RSPH4A: variants seen among roughly 807,000 people sequenced by gnomAD.
The protein encoded by RSPH4A is radial spoke head component 4A, also known as radial spoke head protein 4 homolog A.
Under a neutral mutation model 71.0 loss-of-function variants are expected in RSPH4A, and 47 were observed. The ratio of observed to expected loss-of-function variants is 0.66; its 90% CI spans 0.52 to 0.84. The LOEUF (loss-of-function observed/expected upper bound fraction) is 0.84, where lower values mean the gene tolerates loss of function less well. Among genes scored for constraint, RSPH4A ranks in the 40% least tolerant of loss-of-function variants. The pLI is 0.00. For synonymous variants in RSPH4A, 282 were observed against 302.3 expected, an observed-to-expected ratio of 0.93 and a Z score of 0.70; for missense variants, 793 against 855.2, an observed-to-expected ratio of 0.93 and a Z score of 0.91.
At chr6:116,624,351 T>G (rs1775659850) in intron 2 of RSPH4A, among the ~76,000 whole-genome samples, 1 of 152,174 alleles carries the variant, frequency 6.6e-6, no homozygotes, top group Non-Finnish European at 1.5e-5. Context: ...ATGAGGCAGA[T>G]AGGCAGGCAT....
chr6:116,620,498 G>A (rs1443763999), intron 1 of RSPH4A, among the ~76,000 whole-genome samples: 1 of 152,132 alleles, frequency 6.6e-6, no homozygotes, highest in Non-Finnish European at 1.5e-5. Context: ...TATGGAATCT[G>A]AAAATGGTTT....
chr6:116,629,569 T>G lies in RSPH4A; in HGVS notation c.1665T>G (p.Gly555=), dbSNP rs1360777461. Residue 555 remains glycine (G), a splice_region_variant and synonymous_variant, in exon 4 of 6, where the codon GGT becomes GGG. Coordinates refer to ENST00000229554, the MANE Select transcript of RSPH4A (RefSeq NM_001010892.3). The part of the protein sequence containing the change: ...VHHVQHILSQ[G]RCNWFNSIQK... The stretch of plus-strand genomic sequence containing the variant: ...AATCTTGCAACATTCATTCCCAGGG[T>G]CGCTGTAATTGGTTCAACTCCATAC... The G allele has an allele frequency of 1.9e-6, 3 of 1,612,826 alleles. No individual in the cohort carries two copies. Among genetic ancestry groups the G allele is most frequent in the South Asian group, 1.1e-5 (1 of 91,044 alleles).
intron 2 of RSPH4A, among the ~76,000 whole-genome samples, chr6:116,626,347 TTTTC>T (rs1248060966): frequency 2.0e-5 from 3 of 151,806 alleles, no homozygotes; most frequent in African/African-American, 4.8e-5. Flanking sequence ...GTGTTTCTTT[TTTTC>T]TTTTTCTTTT....
rs1361774402 is a variant in RSPH4A at position 116,628,340 on chromosome 6, G to T, written c.1633G>T (p.Val545Phe). Residue 545 changes from valine to phenylalanine, a missense_variant, in exon 3 of 6, where the codon GTT (valine) becomes TTT (phenylalanine). Coordinates refer to ENST00000229554, the MANE Select transcript of RSPH4A (RefSeq NM_001010892.3). ...TCTAGTAGAATCCCTATCCAATTGG[G>T]TTCATCATGTACAGCATATTCTCTC... is the stretch of plus-strand genomic sequence containing the variant. ...IDLVESLSNWVHHVQHILSQG... is the reference protein window; with the variant it reads ...IDLVESLSNWFHHVQHILSQG... The T allele has an allele frequency of 6.2e-7, 1 of 1,612,984 alleles. No individual in the cohort carries two copies. The highest frequency in any genetic ancestry group is 8.5e-7 in the Non-Finnish European group (1 of 1,179,744).
chr6:116,630,348 T>A (rs968353257), intron 4 of RSPH4A, 87 bp from the exon 5 acceptor site: 7 of 787,944 alleles, frequency 8.9e-6, no homozygotes, highest in Admixed American at 5.1e-5. Flanking sequence ...CATGCATGTG[T>A]GTGTGTGTGT....
At chr6:116,628,465 T>G in intron 3 of RSPH4A, 96 bp downstream of exon 3, 2 of 953,720 alleles carry the variant, frequency 2.1e-6, no homozygotes, top group Non-Finnish European at 3.3e-6. Flanking sequence ...TAAAGGCCTT[T>G]GGACTCTATT....
chr6:116,628,425 G>A, intron 3 of RSPH4A, 56 bp downstream of exon 3: 3 of 1,350,700 alleles, frequency 2.2e-6, no homozygotes, highest in South Asian at 2.3e-5. Flanking sequence ...TTCATTAAAT[G>A]GTCACTATAA....
At position 116,630,539 on chromosome 6, in the gene RSPH4A, T is replaced by C; in HGVS notation, c.1903T>C (p.Phe635Leu). 6.6e-7 allele frequency: 1 copy of C among 1,525,340 alleles called. No homozygotes were observed. The highest frequency in any genetic ancestry group is 9.1e-7 in the Non-Finnish European group (1 of 1,099,142). The allele number at this position is 1,525,340 out of a possible 1,614,324, so 94.5% of individuals were successfully genotyped here. A position where few individuals can be genotyped will look rare whatever the true frequency, so the allele number is the denominator to read the frequency against. The change falls in exon 5 of 6, where the codon TTC becomes CTC. Residue 635 changes from phenylalanine (F) to leucine (L), a missense_variant. Transcript: ENST00000229554. ...CAACCTTTGGCCTGGAGCATATGCCTTCTCCAATGGCAAGTAAGTATCTGA... is the reference window on the plus strand; with the variant it reads ...CAACCTTTGGCCTGGAGCATATGCCCTCTCCAATGGCAAGTAAGTATCTGA... ...QSNLWPGAYA[F>L]SNGKKFENFY...
intron 2 of RSPH4A, among the ~76,000 whole-genome samples, chr6:116,624,692 T>C (rs1462837824): frequency 2.0e-5 from 3 of 152,176 alleles, no homozygotes; most frequent in Non-Finnish European, 2.9e-5. Context: ...GACCAACCTG[T>C]CCCTGACTTA....
Position 116,630,847 on chromosome 6 carries a change from A to ATTTT in RSPH4A, c.1916+315_1916+318dup, listed in dbSNP as rs10694358. ...ACCACTATGCCCAGCTAATTTTTGT[A>ATTTT]TTTTTTTTTTTTTTTTTTTTTTTAG... is the stretch of plus-strand genomic sequence containing the variant. On this transcript the variant is annotated intron_variant, in intron 5 of 5. Transcript: ENST00000229554. Among the ~76,000 whole-genome samples the ATTTT allele has an allele frequency of 4.7e-3, 413 of 87,558 alleles. 15 individuals are homozygous for ATTTT. The highest frequency in any genetic ancestry group is 0.019 in the East Asian group (53 of 2,860). 57.4% of individuals were successfully genotyped at this position (87,558 alleles called of 152,430 possible).
chr6:116,624,746 C>T (rs1179441996), intron 2 of RSPH4A, among the ~76,000 whole-genome samples: 1 of 152,200 alleles, frequency 6.6e-6, no homozygotes, highest in African/African-American at 2.4e-5. Context: ...TTTGACCACA[C>T]CAGAATTCGT....
chr6:116,624,161 C>T (rs935148752), intron 2 of RSPH4A, among the ~76,000 whole-genome samples: 7 of 152,174 alleles, frequency 4.6e-5, no homozygotes, highest in Non-Finnish European at 7.4e-5. Context: ...TAGATGCTTT[C>T]TCCAGGCTAA....
chr6:116,618,291 A>G lies in RSPH4A; in HGVS notation c.686+982A>G, dbSNP rs137900318. Among the ~76,000 whole-genome samples, 498 of 152,298 alleles carry G rather than the reference A, an allele frequency of 3.3e-3. 13 individuals are homozygous for G. Among genetic ancestry groups the G allele is most frequent in the Admixed American group, 0.024 (369 of 15,294 alleles). On this transcript the variant is annotated intron_variant, in intron 1 of 5. Transcript: ENST00000229554. ...AAAGCTTATTCTTTTCCTTCATAGC[A>G]TTTAATGTCATTTATAATTTTTTAT...
At chr6:116,628,495 T>C in intron 3 of RSPH4A, 126 bp downstream of exon 3, 1 of 771,224 alleles carries the variant, frequency 1.3e-6, no homozygotes, top group Non-Finnish European at 2.1e-6. Flanking sequence ...GGAAAAGAGA[T>C]AATTAAAAAC....
rs1775825635 is a variant in RSPH4A at position 116,632,575 on chromosome 6, A to C, written c.*134A>C. The C allele has an allele frequency of 7.6e-4, 847 of 1,108,892 alleles. No homozygotes were observed. Among genetic ancestry groups the C allele is most frequent in the Non-Finnish European group, 9.6e-4 (760 of 792,646 alleles). 68.7% of individuals were successfully genotyped at this position (1,108,892 alleles called of 1,614,324 possible). ...AGAAATTATTCAACTGCAAAATCTC[A>C]ATCTTGAAAATCAAGCTTGAAATTT... On this transcript the variant is annotated 3_prime_UTR_variant, in exon 6 of 6. Transcript: ENST00000229554.
chr6:116,626,816 T>A (rs1161753399), intron 2 of RSPH4A, among the ~76,000 whole-genome samples: 1 of 152,224 alleles, frequency 6.6e-6, no homozygotes, highest in African/African-American at 2.4e-5. Flanking sequence ...CTTTATTACA[T>A]GTTCATTTTA....
chr6:116,629,896 G>A (rs539416748), intron 4 of RSPH4A, among the ~76,000 whole-genome samples, 194 bp downstream of exon 4: 1 of 152,316 alleles, frequency 6.6e-6, no homozygotes, highest in African/African-American at 2.4e-5. Flanking sequence ...CTCTGACAGA[G>A]GTTGAAGGAG....
intron 2 of RSPH4A, among the ~76,000 whole-genome samples, chr6:116,624,033 G>A (rs1354719484): frequency 6.6e-6 from 1 of 152,136 alleles, no homozygotes; most frequent in East Asian, 1.9e-4. Flanking sequence ...CACATCTGCT[G>A]AACGTATATT....
chr6:116,632,595 A>C lies in RSPH4A; in HGVS notation c.*154A>C. The C allele has an allele frequency of 1.0e-6, 1 of 977,984 alleles. No homozygotes were observed. 60.6% of individuals were successfully genotyped at this position (977,984 alleles called of 1,614,324 possible). Reference sequence around the variant, plus strand: ...ATCTCAATCTTGAAAATCAAGCTTGAAATTTCATAGGTAGAAATATTAGCA... The same window carrying C: ...ATCTCAATCTTGAAAATCAAGCTTGCAATTTCATAGGTAGAAATATTAGCA... On this transcript the variant is annotated 3_prime_UTR_variant, in exon 6 of 6. Coordinates refer to ENST00000229554, the MANE Select transcript of RSPH4A (RefSeq NM_001010892.3).
Sources: gnomAD v4.1 joint callset for allele counts (sites outside exome capture counted in the v4.1 genomes callset) on GRCh38, gnomAD v4.1.1 for gene constraint, MANE v1.5 for transcripts, NCBI Gene and HGNC (gene_info 2026-07-23, HGNC 2026-07-21) for gene names.